NAV2: variants seen among roughly 807,000 people sequenced by gnomAD.
NAV2 encodes helicase, APC down-regulated 1.
NAV2 carries 54 observed loss-of-function variants against 223.2 expected under a neutral mutation model. That is an observed-to-expected ratio of 0.24 (90% CI 0.19 to 0.30). NAV2 has a LOEUF of 0.30. NAV2 is among the 10% of genes least tolerant of loss of function. The pLI is 1.00. For synonymous variants in NAV2, 1,279 were observed against 1,239.3 expected (o/e 1.03, Z -0.67); for missense variants, 2,806 against 3,147.5 (o/e 0.89, Z 2.60).
intron 1 of NAV2, among the ~76,000 whole-genome samples, chr11:19,766,565 G>A (rs984067578): frequency 6.6e-5 from 10 of 152,204 alleles, no homozygotes; most frequent in African/African-American, 2.4e-4. Flanking sequence ...ACACACAGCT[G>A]AGCCAACCTG....
chr11:19,733,940 G>A (rs2052041991), intron 1 of NAV2, among the ~76,000 whole-genome samples: 1 of 152,168 alleles, frequency 6.6e-6, no homozygotes. Context: ...AATTTTACAA[G>A]CATGAACTTG....
chr11:20,035,990 A>G lies in NAV2; in HGVS notation c.2800A>G (p.Ile934Val). The change falls in exon 12 of 38, where the codon ATC (isoleucine) becomes GTC (valine). Residue 934 changes from isoleucine to valine, a missense_variant. This residue lies in a region of NAV2 where 73 missense variants were observed against 119.7 expected (regional missense o/e 0.61). Coordinates refer to ENST00000349880, the MANE Select transcript of NAV2 (RefSeq NM_145117.5). Reference sequence around the variant, plus strand: ...CGACAGCAGCTCCGTCAGCAGCGGCATCAGCGACACCATAGACAACCTCAG... The same window carrying G: ...CGACAGCAGCTCCGTCAGCAGCGGCGTCAGCGACACCATAGACAACCTCAG... ...WDDSSSVSSGISDTIDNLSTD... is the reference protein window; with the variant it reads ...WDDSSSVSSGVSDTIDNLSTD... 1 of 1,614,200 alleles carries G rather than the reference A, an allele frequency of 6.2e-7. No individual in the cohort carries two copies. Among genetic ancestry groups the G allele is most frequent in the East Asian group, 2.2e-5 (1 of 44,874 alleles).
intron 10 of NAV2, among the ~76,000 whole-genome samples, chr11:19,970,424 C>T (rs2049135088): frequency 6.6e-6 from 1 of 152,230 alleles, no homozygotes; most frequent in African/African-American, 2.4e-5. Context: ...TTGCCTCAGC[C>T]TCCCAAAGTG....
At chr11:19,680,495 A>G (rs1246474784) in intron 1 of NAV2, among the ~76,000 whole-genome samples, 1 of 152,144 alleles carries the variant, frequency 6.6e-6, no homozygotes, top group Non-Finnish European at 1.5e-5. Flanking sequence ...GTGCTGGGGA[A>G]CTGTAGGACA....
intron 11 of NAV2, among the ~76,000 whole-genome samples, chr11:20,029,211 T>C (rs560600958): frequency 6.6e-6 from 1 of 152,306 alleles, no homozygotes; most frequent in East Asian, 1.9e-4. Flanking sequence ...TGGGATGGCT[T>C]AGTCCAGCTA....
Position 19,554,180 on chromosome 11 carries a change from G to A in NAV2, c.75+203153G>A, listed in dbSNP as rs192332520. ...CCTGAAATCGTGCTATGACATCTAC[G>A]TGCAGGCATTTACTTTATTCAGAAA... On this transcript the variant is annotated intron_variant, in intron 1 of 37. Transcript: ENST00000360655. Among the ~76,000 whole-genome samples, 9 of 152,306 alleles carry A rather than the reference G, an allele frequency of 5.9e-5. 1 individual carries two copies. In the South Asian group the frequency reaches 1.5e-3, roughly 25 times the overall value.
At chr11:19,516,683 A>G (rs769205211) in intron 1 of NAV2, among the ~76,000 whole-genome samples, 50 of 152,152 alleles carry the variant, frequency 3.3e-4, no homozygotes, top group Non-Finnish European at 4.1e-4. Flanking sequence ...CTGTTCAACA[A>G]TCTCTGCAGA....
chr11:19,762,281 G>A (rs1330839284), intron 1 of NAV2, among the ~76,000 whole-genome samples: 1 of 152,090 alleles, frequency 6.6e-6, no homozygotes, highest in Non-Finnish European at 1.5e-5. Context: ...ATCTGATCAT[G>A]TCAGACAAAC....
At chr11:20,111,858 C>T (rs1159287118) in intron 36 of NAV2, among the ~76,000 whole-genome samples, 1 of 152,212 alleles carries the variant, frequency 6.6e-6, no homozygotes, top group Admixed American at 6.5e-5. Context: ...CCCCAGTCTA[C>T]TCAGTTGAGG....
chr11:19,782,599 G>A (rs117377826), intron 1 of NAV2, among the ~76,000 whole-genome samples: 1,618 of 152,274 alleles, frequency 0.011, 19 homozygotes, highest in Admixed American at 0.017. Flanking sequence ...TTTCTTCAGG[G>A]TCTCTAAGAC....
chr11:20,027,201 G>A (rs1358734722), intron 11 of NAV2: 2 of 912,954 alleles, frequency 2.2e-6, no homozygotes, highest in Non-Finnish European at 2.6e-6. Flanking sequence ...TGTTTGGTGG[G>A]AAATGTAGGT....
intron 1 of NAV2, among the ~76,000 whole-genome samples, chr11:19,812,580 A>C (rs866605626): frequency 6.6e-5 from 10 of 152,186 alleles, no homozygotes; most frequent in Admixed American, 1.3e-4. Flanking sequence ...AAATAATTAC[A>C]AGAGTAATGA....
chr11:20,087,142 G>A (rs1310580395), intron 26 of NAV2, among the ~76,000 whole-genome samples: 1 of 152,198 alleles, frequency 6.6e-6, no homozygotes, highest in Non-Finnish European at 1.5e-5. Context: ...GGAGCAGAGA[G>A]GAGAAACTGT....
chr11:19,964,492 C>CATTTTTTTTTTTT (rs60424234), intron 10 of NAV2, among the ~76,000 whole-genome samples: 1 of 146,606 alleles, frequency 6.8e-6, no homozygotes, highest in African/African-American at 2.5e-5. Flanking sequence ...TTTTCATCCT[C>CATTTTTTTTTTTT]TTTTTTTTTT....
rs2042692606 is a variant in NAV2 at position 19,493,367 on chromosome 11, T to G, written c.75+142340T>G. Among the ~76,000 whole-genome samples the G allele has an allele frequency of 2.6e-5, 4 of 152,352 alleles. No homozygotes were observed. In the South Asian group the frequency reaches 8.3e-4, roughly 32 times the overall value. On this transcript the variant is annotated intron_variant, in intron 1 of 37. Transcript: ENST00000360655. ...ATCTCATAACTATGTAGGAATCTAT[T>G]GAAAAACTTAGGAGAGAGACACGCC...
chr11:19,873,369 C>A (rs767339889), intron 4 of NAV2, among the ~76,000 whole-genome samples: 17 of 152,046 alleles, frequency 1.1e-4, no homozygotes, highest in African/African-American at 2.2e-4. Flanking sequence ...CATTTCCCCC[C>A]AGATTTCATG....
rs181261418 is a variant in NAV2, at chr11:20,003,262, C to T, written c.2768+19015C>T. Among the ~76,000 whole-genome samples, 13 of 152,294 alleles carry T rather than the reference C, an allele frequency of 8.5e-5. No individual in the cohort carries two copies. The East Asian group carries it at 2.5e-3, about 29-fold the overall frequency. On this transcript the variant is annotated intron_variant, in intron 11 of 37. Transcript: ENST00000349880. Reference sequence around the variant, plus strand: ...AACTTACATCATAACCTGGTGAGAACTGGCAATTGATCAGGATGGATTCGG... The same window carrying T: ...AACTTACATCATAACCTGGTGAGAATTGGCAATTGATCAGGATGGATTCGG...
chr11:19,582,857 C>T (rs919137245), intron 1 of NAV2, among the ~76,000 whole-genome samples: 48 of 152,158 alleles, frequency 3.2e-4, no homozygotes, highest in Admixed American at 9.8e-4. Context: ...CTTGGCAATG[C>T]GGGCTCTTTT....
At chr11:19,848,289 G>A (rs1298020955) in intron 3 of NAV2, among the ~76,000 whole-genome samples, 2 of 152,190 alleles carry the variant, frequency 1.3e-5, no homozygotes, top group African/African-American at 4.8e-5. Context: ...ATATATGAGT[G>A]ATAAAAGCTG....
Sources: gnomAD v4.1 joint callset for allele counts (sites outside exome capture counted in the v4.1 genomes callset) on GRCh38, gnomAD v4.1.1 for gene constraint, gnomAD v4.1.1 regional missense constraint, MANE v1.5 for transcripts, NCBI Gene and HGNC (gene_info 2026-07-23, HGNC 2026-07-21) for gene names.